ERC2: variants seen among roughly 807,000 people sequenced by gnomAD.
ERC2 encodes ELKS/RAB6-interacting/CAST family member 2.
ERC2 carries 42 observed loss-of-function variants against 114.8 expected under a neutral mutation model. The ratio of observed to expected loss-of-function variants is 0.37; its 90% CI spans 0.29 to 0.47. The LOEUF (loss-of-function observed/expected upper bound fraction) is 0.47, where lower values mean the gene tolerates loss of function less well. ERC2 is among the 20% of genes least tolerant of loss of function. The pLI is 0.99. For missense variants in ERC2, 939 were observed against 1,150.7 expected, an observed-to-expected ratio of 0.82 and a Z score of 2.66; for synonymous variants, 454 against 425.5, an observed-to-expected ratio of 1.07 and a Z score of -0.82.
intron 3 of ERC2, among the ~76,000 whole-genome samples, chr3:56,239,716 G>A (rs1022412969): frequency 1.5e-4 from 23 of 151,992 alleles, no homozygotes; most frequent in African/African-American, 4.3e-4. Flanking sequence ...TGCTTACTAC[G>A]CGCACTGCTT....
At chr3:56,430,822 C>T (rs1235102856) in intron 2 of ERC2, among the ~76,000 whole-genome samples, 2 of 152,016 alleles carry the variant, frequency 1.3e-5, no homozygotes, top group Non-Finnish European at 2.9e-5. Context: ...AAATCACATT[C>T]TTAATCATCT....
chr3:56,039,238 A>G (rs189283980), intron 7 of ERC2, among the ~76,000 whole-genome samples: 1 of 152,316 alleles, frequency 6.6e-6, no homozygotes, highest in East Asian at 1.9e-4. Flanking sequence ...TAAACAGAAA[A>G]AAAGGAAAAC....
intron 4 of ERC2, among the ~76,000 whole-genome samples, chr3:56,152,513 A>G (rs1429696768): frequency 6.6e-6 from 1 of 152,160 alleles, no homozygotes; most frequent in Non-Finnish European, 1.5e-5. Context: ...ACTTAAGACA[A>G]CATCAGTGAA....
At chr3:56,129,604 T>C (rs1366021554) in intron 6 of ERC2, among the ~76,000 whole-genome samples, 3 of 152,172 alleles carry the variant, frequency 2.0e-5, no homozygotes, top group Non-Finnish European at 4.4e-5. Context: ...TTCTTTTTCT[T>C]CCTGCAAACC....
chr3:56,452,079 G>T (rs2062849601), intron 1 of ERC2, among the ~76,000 whole-genome samples: 1 of 152,196 alleles, frequency 6.6e-6, no homozygotes, highest in Admixed American at 6.5e-5. Flanking sequence ...AATCTCATGA[G>T]AATTTAAGGC....
At chr3:55,989,006 C>T (rs897682271) in intron 11 of ERC2, among the ~76,000 whole-genome samples, 14 of 152,186 alleles carry the variant, frequency 9.2e-5, no homozygotes, top group Admixed American at 7.2e-4. Context: ...CAAGAAACTT[C>T]CCCTCTGAAT....
chr3:56,201,979 G>C (rs567594233), intron 3 of ERC2, among the ~76,000 whole-genome samples: 44 of 152,146 alleles, frequency 2.9e-4, no homozygotes, highest in Non-Finnish European at 3.8e-4. Context: ...TTAACTCAGA[G>C]TCAAATTGCA....
intron 3 of ERC2, among the ~76,000 whole-genome samples, chr3:56,198,327 G>C (rs1456064544): frequency 6.6e-6 from 1 of 152,192 alleles, no homozygotes; most frequent in Non-Finnish European, 1.5e-5. Flanking sequence ...ATTTGACCTT[G>C]CTTTGAATAG....
intron 8 of ERC2, among the ~76,000 whole-genome samples, chr3:56,011,606 AACACACACACACAC>A (rs3076645): frequency 2.0e-5 from 3 of 148,706 alleles, no homozygotes; most frequent in East Asian, 4.0e-4. Flanking sequence ...AAGAAACTTA[AACACACACACACAC>A]ACACACACAC....
At chr3:56,443,266 C>G (rs1251524703) in intron 1 of ERC2, among the ~76,000 whole-genome samples, 1 of 152,158 alleles carries the variant, frequency 6.6e-6, no homozygotes, top group Admixed American at 6.5e-5. Flanking sequence ...CTGAACTTAT[C>G]AAATCAAACA....
In ERC2 at chr3:56,252,592, T is replaced by TA. The variant is rs1361871089; in HGVS notation, c.1074+43426dup. ...CAACATGGAGAAACCCCGTCTCTAC[T>TA]AAAAATGCAAAACAATTATCTGGGT... is the stretch of plus-strand genomic sequence containing the variant. On this transcript the variant is annotated intron_variant, in intron 3 of 17. Transcript: ENST00000288221. 1.3e-5 allele frequency among the ~76,000 whole-genome samples: 2 copies of TA among 151,816 alleles called. 1 individual carries two copies. Among genetic ancestry groups the TA allele is most frequent in the African/African-American group, 4.8e-5 (2 of 41,284 alleles).
At chr3:56,302,377 G>A (rs188969097) in intron 2 of ERC2, among the ~76,000 whole-genome samples, 4 of 152,244 alleles carry the variant, frequency 2.6e-5, no homozygotes, top group African/African-American at 4.8e-5. Flanking sequence ...CCATGTCACC[G>A]GGTCCTATCC....
chr3:55,522,195 G>T (rs560078916), intron 17 of ERC2, among the ~76,000 whole-genome samples: 11 of 152,150 alleles, frequency 7.2e-5, no homozygotes, highest in Non-Finnish European at 1.5e-4. Context: ...AGTCTTCTCT[G>T]GGGGGAGGGG....
chr3:56,196,836 C>A (rs973659911), intron 3 of ERC2, among the ~76,000 whole-genome samples: 1 of 152,120 alleles, frequency 6.6e-6, no homozygotes, highest in Non-Finnish European at 1.5e-5. Flanking sequence ...TGGGACTATA[C>A]CCCGCTTTGT....
intron 2 of ERC2, among the ~76,000 whole-genome samples, chr3:56,426,361 C>A (rs2107285972): frequency 6.6e-6 from 1 of 152,352 alleles, no homozygotes; most frequent in East Asian, 1.9e-4. Context: ...TAAGGTCTCA[C>A]TTCGAGATGC....
At chr3:56,284,673 T>C (rs2054561589) in intron 3 of ERC2, among the ~76,000 whole-genome samples, 1 of 152,150 alleles carries the variant, frequency 6.6e-6, no homozygotes. Context: ...AAACTGCCAA[T>C]TAATAGTGAG....
At chr3:56,406,407 G>A (rs576013563) in intron 2 of ERC2, among the ~76,000 whole-genome samples, 1 of 152,290 alleles carries the variant, frequency 6.6e-6, no homozygotes, top group Admixed American at 6.5e-5. Flanking sequence ...ACAGTCCCCA[G>A]GGATGTACAC....
At chr3:55,606,250 G>T (rs1454711281) in intron 17 of ERC2, among the ~76,000 whole-genome samples, 1 of 152,158 alleles carries the variant, frequency 6.6e-6, no homozygotes, top group Non-Finnish European at 1.5e-5. Flanking sequence ...TCTGCTTAGG[G>T]AAGGAGCTGG....
rs143906006 is a variant in ERC2, at chr3:55,713,096, TTCTCTC to T, written c.2713-13590_2713-13585del. On this transcript the variant is annotated intron_variant, in intron 15 of 17. Transcript: ENST00000288221. Reference sequence around the variant, plus strand: ...ATCCTGGTTGTTAGTTCCTCTGCCATTCTCTCTCTCTCTCTCTCTCTCTCTCTCTCT... The same window carrying T: ...ATCCTGGTTGTTAGTTCCTCTGCCATTCTCTCTCTCTCTCTCTCTCTCTCT... Among the ~76,000 whole-genome samples the T allele has an allele frequency of 8.7e-3, 1,174 of 135,018 alleles. 5 individuals are homozygous for T. Among genetic ancestry groups the T allele is most frequent in the East Asian group, 0.023 (109 of 4,678 alleles). 88.6% of individuals were successfully genotyped at this position (135,018 alleles called of 152,430 possible).
Sources: gnomAD v4.1 joint callset for allele counts (sites outside exome capture counted in the v4.1 genomes callset) on GRCh38, gnomAD v4.1.1 for gene constraint, MANE v1.5 for transcripts, NCBI Gene and HGNC (gene_info 2026-07-23, HGNC 2026-07-21) for gene names.